Variants in TSHZ2 observed in about 807,000 individuals in gnomAD.
The protein encoded by TSHZ2 is teashirt homolog 2.
Under a neutral mutation model 74.4 loss-of-function variants are expected in TSHZ2, and 21 were observed. The observed-to-expected ratio is 0.28, with a 90% CI of 0.20 to 0.41. The LOEUF (loss-of-function observed/expected upper bound fraction) is 0.41. Among genes scored for constraint, TSHZ2 ranks in the 10% least tolerant of loss-of-function variants. TSHZ2 has a pLI of 1.00. For missense variants in TSHZ2, 1,244 were observed against 1,293.5 expected, an observed-to-expected ratio of 0.96 and a Z score of 0.59; for synonymous variants, 540 against 515.3, an observed-to-expected ratio of 1.05 and a Z score of -0.65.
chr20:53,289,843 GA>G (rs1407922918), intron 2 of TSHZ2, among the ~76,000 whole-genome samples: 13 of 152,196 alleles, frequency 8.5e-5, no homozygotes, highest in African/African-American at 3.1e-4. Context: ...AAATTGAAAT[GA>G]TTGAAATTTT....
chr20:53,355,447 T>C (rs200632), intron 2 of TSHZ2, among the ~76,000 whole-genome samples: 95,909 of 152,146 alleles, frequency 0.63, 32,104 homozygotes, highest in African/African-American at 0.85. Flanking sequence ...ATGAATTACT[T>C]GTTCATACTA....
chr20:53,259,409 ATCTCTAT>A lies in TSHZ2; in HGVS notation c.*8+2840_*8+2846del, dbSNP rs372653872. 1.8e-3 allele frequency among the ~76,000 whole-genome samples: 271 copies of A among 152,374 alleles called. 1 individual carries two copies. The highest frequency in any genetic ancestry group is 6.2e-3 in the African/African-American group (258 of 41,600). Reference sequence around the variant, plus strand: ...TTTCATTAGAAAATATTAAGTGTGCATCTCTATTTTAGGTCATAAGTAATCTAAAACA... The same window carrying A: ...TTTCATTAGAAAATATTAAGTGTGCATTTAGGTCATAAGTAATCTAAAACA... On this transcript the variant is annotated intron_variant, in intron 2 of 2. Transcript: ENST00000371497.
At chr20:53,069,035 A>G (rs1204226891) in intron 1 of TSHZ2, among the ~76,000 whole-genome samples, 1 of 152,196 alleles carries the variant, frequency 6.6e-6, no homozygotes, top group East Asian at 1.9e-4. Context: ...TTTACAGTTC[A>G]GGGAAGCACC....
At chr20:53,039,431 AAT>A in intron 1 of TSHZ2, among the ~76,000 whole-genome samples, 2 of 152,280 alleles carry the variant, frequency 1.3e-5, no homozygotes, top group African/African-American at 4.8e-5. Flanking sequence ...ATCTTTATTA[AAT>A]ATGTGTTAAC....
At chr20:53,292,739 A>G (rs369965563) in intron 2 of TSHZ2, among the ~76,000 whole-genome samples, 26 of 152,294 alleles carry the variant, frequency 1.7e-4, no homozygotes, top group African/African-American at 5.1e-4. Context: ...CCCAGAATAG[A>G]AGCTAACAAT....
At chr20:52,996,307 T>TTGTTTTTA (rs558335107) in intron 1 of TSHZ2, among the ~76,000 whole-genome samples, 1 of 145,250 alleles carries the variant, frequency 6.9e-6, no homozygotes, top group East Asian at 2.1e-4. Context: ...CCTTTCAGGT[T>TTGTTTTTA]TTTATTTATT....
chr20:53,337,307 A>G (rs1215948386), intron 2 of TSHZ2, among the ~76,000 whole-genome samples: 1 of 152,260 alleles, frequency 6.6e-6, no homozygotes, highest in African/African-American at 2.4e-5. Context: ...ACACCTAGAT[A>G]ATTACTGGTT....
intron 1 of TSHZ2, among the ~76,000 whole-genome samples, chr20:53,018,804 G>T (rs1454540394): frequency 6.6e-6 from 1 of 152,156 alleles, no homozygotes; most frequent in Non-Finnish European, 1.5e-5. Context: ...TAGGTTCTCA[G>T]CTCTACACTG....
At chr20:53,444,109 A>ATGTT (rs1984455743) in intron 2 of TSHZ2, among the ~76,000 whole-genome samples, 2 of 152,178 alleles carry the variant, frequency 1.3e-5, no homozygotes, top group African/African-American at 4.8e-5. Context: ...AAGTCACCCT[A>ATGTT]TGTTTGAACA....
chr20:53,025,132 A>G (rs746668564), intron 1 of TSHZ2, among the ~76,000 whole-genome samples: 9 of 151,162 alleles, frequency 6.0e-5, no homozygotes, highest in Non-Finnish European at 1.0e-4. Context: ...GTTTATGTAG[A>G]TAGTATTAAA....
At chr20:52,995,274 T>TG in intron 1 of TSHZ2, among the ~76,000 whole-genome samples, 1 of 152,318 alleles carries the variant, frequency 6.6e-6, no homozygotes, top group African/African-American at 2.4e-5. Context: ...AATCTCTACA[T>TG]GGGGTGGCTG....
At chr20:53,436,179 G>T (rs1209221940) in intron 2 of TSHZ2, among the ~76,000 whole-genome samples, 1 of 152,164 alleles carries the variant, frequency 6.6e-6, no homozygotes, top group African/African-American at 2.4e-5. Context: ...ACAGTATCTG[G>T]CAACACCTGG....
intron 2 of TSHZ2, among the ~76,000 whole-genome samples, chr20:53,460,618 G>A (rs1427121715): frequency 1.3e-5 from 2 of 152,224 alleles, no homozygotes; most frequent in Non-Finnish European, 2.9e-5. Flanking sequence ...GAGGAGGAGA[G>A]GCGCTCTGCT....
chr20:53,465,505 A>G (rs978837299), intron 2 of TSHZ2, among the ~76,000 whole-genome samples: 1 of 152,124 alleles, frequency 6.6e-6, no homozygotes, highest in Non-Finnish European at 1.5e-5. Context: ...TCCTGACCTC[A>G]AGTGAGCCAC....
chr20:53,379,443 A>G (rs749700071), intron 2 of TSHZ2, among the ~76,000 whole-genome samples: 28 of 152,212 alleles, frequency 1.8e-4, no homozygotes, highest in Non-Finnish European at 3.7e-4. Context: ...GGATAAATTA[A>G]TTAAGTTGTC....
chr20:53,087,941 C>T (rs184472422), intron 1 of TSHZ2, among the ~76,000 whole-genome samples: 2 of 152,266 alleles, frequency 1.3e-5, no homozygotes, highest in Admixed American at 1.3e-4. Context: ...ATAACTCTCT[C>T]CTCCAACCTT....
chr20:53,479,029 G>C (rs973919161), intron 2 of TSHZ2, among the ~76,000 whole-genome samples: 1 of 152,084 alleles, frequency 6.6e-6, no homozygotes, highest in African/African-American at 2.4e-5. Flanking sequence ...GCCGGGTGTG[G>C]TGGCGCATGC....
chr20:53,472,832 T>C (rs1284316107), intron 2 of TSHZ2, among the ~76,000 whole-genome samples: 1 of 151,922 alleles, frequency 6.6e-6, no homozygotes, highest in Non-Finnish European at 1.5e-5. Context: ...GGGTGAGGCA[T>C]TGCCTCACTC....
At chr20:53,268,033 C>A (rs1990754273) in intron 2 of TSHZ2, among the ~76,000 whole-genome samples, 1 of 152,106 alleles carries the variant, frequency 6.6e-6, no homozygotes, top group Non-Finnish European at 1.5e-5. Context: ...AAGCAAAGTC[C>A]ATGGAGGCTC....
Sources: gnomAD v4.1 joint callset for allele counts (sites outside exome capture counted in the v4.1 genomes callset) on GRCh38, gnomAD v4.1.1 for gene constraint, MANE v1.5 for transcripts, NCBI Gene and HGNC (gene_info 2026-07-23, HGNC 2026-07-21) for gene names.